FHIT: variants seen among roughly 807,000 people sequenced by gnomAD.
FHIT encodes bis(5'-adenosyl)-triphosphatase.
FHIT carries 19 observed loss-of-function variants against 17.9 expected under a neutral mutation model. The observed-to-expected ratio is 1.06, with a 90% CI of 0.74 to 1.56. The LOEUF is 1.56. Ranked by LOEUF, FHIT falls within the 40% of genes most tolerant of loss-of-function variation. The pLI is 0.00. For synonymous variants in FHIT, 81 were observed against 69.7 expected (o/e 1.16, Z -0.81); for missense variants, 248 against 189.2 (o/e 1.31, Z -1.82).
rs182480536 is a variant in FHIT at position 61,088,656 on chromosome 3, C to A, written c.-163-46557G>T. 3.9e-3 allele frequency among the ~76,000 whole-genome samples: 591 copies of A among 152,194 alleles called. 2 individuals carry two copies. The highest frequency in any genetic ancestry group is 0.013 in the African/African-American group (558 of 41,538). ...AGGGAGTATAAAATATTAATATTCA[C>A]CAATGCCAAGAAAATTTTCATATTA... On this transcript the variant is annotated intron_variant, in intron 2 of 9. Coordinates refer to ENST00000492590, the MANE Select transcript of FHIT (RefSeq NM_002012.4).
chr3:60,776,830 G>A (rs530410492), intron 4 of FHIT, among the ~76,000 whole-genome samples: 118 of 152,272 alleles, frequency 7.7e-4, no homozygotes, highest in African/African-American at 2.6e-3. Context: ...TTTTGCCTAG[G>A]GTTAAGGATT....
At chr3:60,972,441 T>C (rs1710064800) in intron 3 of FHIT, among the ~76,000 whole-genome samples, 1 of 152,210 alleles carries the variant, frequency 6.6e-6, no homozygotes. Flanking sequence ...TAGCTTTATG[T>C]CTCATTGGTG....
chr3:59,899,448 G>C (rs967187308), intron 8 of FHIT, among the ~76,000 whole-genome samples: 2 of 152,124 alleles, frequency 1.3e-5, no homozygotes, highest in African/African-American at 2.4e-5. Context: ...TGTCTTTGTG[G>C]AACTAATACA....
intron 5 of FHIT, among the ~76,000 whole-genome samples, chr3:60,525,267 A>T (rs1321549276): frequency 2.0e-5 from 3 of 152,240 alleles, no homozygotes; most frequent in African/African-American, 7.2e-5. Context: ...CCTGATATAC[A>T]GATCTTCAGA....
intron 3 of FHIT, among the ~76,000 whole-genome samples, chr3:60,855,289 G>C (rs1703335109): frequency 6.6e-6 from 1 of 152,086 alleles, no homozygotes. Flanking sequence ...ATGTGACCTA[G>C]ATCTAACCAA....
At chr3:60,947,369 G>C (rs563885542) in intron 3 of FHIT, among the ~76,000 whole-genome samples, 3 of 152,194 alleles carry the variant, frequency 2.0e-5, no homozygotes, top group Non-Finnish European at 4.4e-5. Context: ...TGACTATCGC[G>C]TGTTTTCTAA....
intron 5 of FHIT, among the ~76,000 whole-genome samples, chr3:60,469,990 T>C (rs1374372067): frequency 6.6e-6 from 1 of 151,838 alleles, no homozygotes; most frequent in Non-Finnish European, 1.5e-5. Context: ...TCTCATCCCT[T>C]ACTTCCCTCC....
At chr3:60,196,228 C>A (rs1023817011) in intron 5 of FHIT, among the ~76,000 whole-genome samples, 4 of 152,094 alleles carry the variant, frequency 2.6e-5, no homozygotes, top group African/African-American at 7.2e-5. Flanking sequence ...GTAAGCAGGG[C>A]TGTGTTCCTT....
chr3:60,059,151 TCA>T (rs1702203539), intron 5 of FHIT, among the ~76,000 whole-genome samples: 1 of 152,144 alleles, frequency 6.6e-6, no homozygotes, highest in South Asian at 2.1e-4. Flanking sequence ...TAATAATTTG[TCA>T]CAGCCAGCAC....
chr3:60,298,968 C>T (rs1165931731), intron 5 of FHIT, among the ~76,000 whole-genome samples: 1 of 152,100 alleles, frequency 6.6e-6, no homozygotes, highest in Non-Finnish European at 1.5e-5. Context: ...ATAAAGTAAT[C>T]TTCCTTTGAA....
chr3:59,753,216 A>G (rs1235003755), intron 8 of FHIT, among the ~76,000 whole-genome samples: 2 of 151,992 alleles, frequency 1.3e-5, no homozygotes, highest in African/African-American at 4.8e-5. Flanking sequence ...ATGAGAACTG[A>G]GTAAGTAATA....
intron 5 of FHIT, among the ~76,000 whole-genome samples, chr3:60,322,599 A>T (rs1033912903): frequency 2.0e-5 from 3 of 152,200 alleles, no homozygotes; most frequent in Non-Finnish European, 2.9e-5. Context: ...CCCACAACTG[A>T]TATGATGTGT....
At chr3:60,955,501 C>G (rs1251017662) in intron 3 of FHIT, among the ~76,000 whole-genome samples, 1 of 151,562 alleles carries the variant, frequency 6.6e-6, no homozygotes, top group East Asian at 1.9e-4. Flanking sequence ...AGTTAGGAAG[C>G]ACTGACATAC....
At chr3:60,798,946 T>C (rs1239701917) in intron 4 of FHIT, among the ~76,000 whole-genome samples, 2 of 151,638 alleles carry the variant, frequency 1.3e-5, no homozygotes, top group African/African-American at 2.4e-5. Flanking sequence ...TTAGTATAGA[T>C]GGGATTTCAC....
intron 4 of FHIT, among the ~76,000 whole-genome samples, chr3:60,571,765 T>C (rs1328390985): frequency 6.6e-6 from 1 of 152,102 alleles, no homozygotes; most frequent in Non-Finnish European, 1.5e-5. Context: ...CTGGAAAGAG[T>C]GTTCTTTGAA....
chr3:61,161,473 A>T lies in FHIT; in HGVS notation c.-164+39144T>A, dbSNP rs578002878. On this transcript the variant is annotated intron_variant, in intron 2 of 9. Transcript: ENST00000492590. Reference sequence around the variant, plus strand: ...CACCTTGGCCTCCCAAAGTGCTGGGATTACAGGCATGAGCCACTGCACCCA... The same window carrying T: ...CACCTTGGCCTCCCAAAGTGCTGGGTTTACAGGCATGAGCCACTGCACCCA... Among the ~76,000 whole-genome samples, 130 of 152,304 alleles carry T rather than the reference A, an allele frequency of 8.5e-4. 2 individuals carry two copies. Among genetic ancestry groups the T allele is most frequent in the African/African-American group, 3.1e-3 (127 of 41,572 alleles).
At chr3:60,205,884 A>C (rs958290142) in intron 5 of FHIT, among the ~76,000 whole-genome samples, 5 of 151,918 alleles carry the variant, frequency 3.3e-5, no homozygotes, top group African/African-American at 1.2e-4. Flanking sequence ...CGAGGGGGGC[A>C]GATCATGAGG....
chr3:60,482,289 C>G (rs1325444831), intron 5 of FHIT, among the ~76,000 whole-genome samples: 1 of 152,070 alleles, frequency 6.6e-6, no homozygotes, highest in Non-Finnish European at 1.5e-5. Context: ...TGAGGATATT[C>G]AGGACATAAA....
intron 7 of FHIT, among the ~76,000 whole-genome samples, chr3:59,931,535 T>C (rs1392970884): frequency 6.6e-6 from 1 of 152,190 alleles, no homozygotes; most frequent in Non-Finnish European, 1.5e-5. Flanking sequence ...GTCAATGAGC[T>C]CCTTCACTTA....
Sources: allele counts gnomAD v4.1 joint callset (sites outside exome capture counted in the v4.1 genomes callset), GRCh38; gene constraint gnomAD v4.1.1; transcripts MANE v1.5; gene names NCBI Gene and HGNC (gene_info 2026-07-23, HGNC 2026-07-21).